JMJD1C: variants seen among roughly 807,000 people sequenced by gnomAD.
JMJD1C encodes jumonji domain-containing protein 1C.
Under a neutral mutation model 245.3 loss-of-function variants are expected in JMJD1C, and 31 were observed. The ratio of observed to expected loss-of-function variants is 0.13; its 90% CI spans 0.09 to 0.17. The LOEUF is 0.17. Ranked by LOEUF, JMJD1C falls within the 10% of genes least tolerant of loss-of-function variation. The pLI, the probability that JMJD1C is intolerant of heterozygous loss-of-function variation, is 1.00. For missense variants in JMJD1C, 2,691 were observed against 3,000.2 expected (o/e 0.90, Z 2.41); for synonymous variants, 1,057 against 1,017.4 (o/e 1.04, Z -0.74).
At chr10:63,296,691 T>A (rs966171189) in intron 2 of JMJD1C, among the ~76,000 whole-genome samples, 5 of 152,212 alleles carry the variant, frequency 3.3e-5, no homozygotes, top group Non-Finnish European at 7.3e-5. Flanking sequence ...AAGTGCCATT[T>A]TGGGTTACAA....
intron 1 of JMJD1C, among the ~76,000 whole-genome samples, chr10:63,386,315 T>G (rs142763111): frequency 6.6e-6 from 1 of 152,144 alleles, no homozygotes; most frequent in Non-Finnish European, 1.5e-5. Flanking sequence ...CAGTTACCAG[T>G]TGCCTGCCTA....
At chr10:63,205,723 T>C (rs975688889) in intron 10 of JMJD1C, among the ~76,000 whole-genome samples, 1 of 152,196 alleles carries the variant, frequency 6.6e-6, no homozygotes, top group Non-Finnish European at 1.5e-5. Flanking sequence ...CTGTAGATAA[T>C]TGTAACACAA....
At chr10:63,356,458 G>A (rs1564826801) in intron 2 of JMJD1C, among the ~76,000 whole-genome samples, 3 of 152,208 alleles carry the variant, frequency 2.0e-5, no homozygotes, top group African/African-American at 7.2e-5. Flanking sequence ...ACCTGAGAAA[G>A]CATTCTTTGA....
chr10:63,264,622 AT>A (rs1370410757), intron 3 of JMJD1C, 28 bp downstream of exon 3: 2 of 983,430 alleles, frequency 2.0e-6, no homozygotes, highest in Non-Finnish European at 3.1e-6. Flanking sequence ...TTAACCTTTA[AT>A]TTTAAAAAGT....
chr10:63,479,271 CTTTT>C (rs199545366), intron 1 of JMJD1C, among the ~76,000 whole-genome samples: 4 of 134,904 alleles, frequency 3.0e-5, no homozygotes, highest in African/African-American at 5.4e-5. Context: ...TATTTCTTCT[CTTTT>C]TTTTTTTTTT....
chr10:63,329,508 A>G (rs1941907993), intron 2 of JMJD1C, among the ~76,000 whole-genome samples: 1 of 151,980 alleles, frequency 6.6e-6, no homozygotes, highest in Non-Finnish European at 1.5e-5. Flanking sequence ...ATGAACTGAA[A>G]AAGTCAACTG....
intron 1 of JMJD1C, among the ~76,000 whole-genome samples, chr10:63,512,417 T>C (rs1369889535): frequency 6.6e-6 from 1 of 152,162 alleles, no homozygotes; most frequent in Non-Finnish European, 1.5e-5. Flanking sequence ...TCACTTTGAG[T>C]AAGTCTTTAT....
chr10:63,396,935 T>G (rs1035568185), intron 1 of JMJD1C, among the ~76,000 whole-genome samples: 24 of 150,704 alleles, frequency 1.6e-4, no homozygotes, highest in Non-Finnish European at 2.4e-4. Context: ...TTTGGTTTTT[T>G]TTTTTTTTTT....
chr10:63,174,933 T>G (rs569892161), intron 24 of JMJD1C, among the ~76,000 whole-genome samples: 1 of 152,304 alleles, frequency 6.6e-6, no homozygotes, highest in African/African-American at 2.4e-5. Context: ...GTTACCTAAC[T>G]ATGCATTTGT....
intron 16 of JMJD1C, 55 bp downstream of exon 16, chr10:63,192,883 T>G: frequency 1.6e-6 from 2 of 1,250,596 alleles, no homozygotes; most frequent in Non-Finnish European, 2.3e-6. Context: ...AGTACATTGT[T>G]GGTTAGTTAT....
chr10:63,170,649 C>A (rs1174406921), intron 24 of JMJD1C, among the ~76,000 whole-genome samples: 1 of 152,206 alleles, frequency 6.6e-6, no homozygotes, highest in Non-Finnish European at 1.5e-5. Flanking sequence ...AAAGTTCATT[C>A]TGTCAGTCTT....
Position 63,450,550 on chromosome 10 carries a change from C to T in JMJD1C, c.168+14945G>A, listed in dbSNP as rs192276993. ...CACACAAAAGTCAATAAATACAATA[C>T]ATTCACATAATGAAGGGAAAAAAAA... On this transcript the variant is annotated intron_variant, in intron 1 of 25. Coordinates refer to ENST00000399262, the MANE Select transcript of JMJD1C (RefSeq NM_032776.3). Among the ~76,000 whole-genome samples the T allele has an allele frequency of 2.4e-3, 367 of 152,084 alleles. 3 individuals carry two copies. Among genetic ancestry groups the T allele is most frequent in the South Asian group, 0.022 (105 of 4,826 alleles).
intron 1 of JMJD1C, among the ~76,000 whole-genome samples, chr10:63,453,798 GC>G (rs1415050256): frequency 2.6e-5 from 4 of 152,188 alleles, no homozygotes; most frequent in African/African-American, 9.6e-5. Flanking sequence ...AAGGACAGTA[GC>G]GCTACTTTGG....
At chr10:63,183,073 C>T (rs757212605) in intron 22 of JMJD1C, among the ~76,000 whole-genome samples, 7 of 152,248 alleles carry the variant, frequency 4.6e-5, no homozygotes, top group Non-Finnish European at 8.8e-5. Flanking sequence ...GTTGGTCAGG[C>T]TGGTCTTGAA....
intron 2 of JMJD1C, among the ~76,000 whole-genome samples, chr10:63,355,618 T>G (rs563356064): frequency 6.6e-6 from 1 of 151,998 alleles, no homozygotes; most frequent in South Asian, 2.1e-4. Context: ...AGTAAAAAGC[T>G]GAGGAGTTGG....
In JMJD1C at chr10:63,208,028, T is replaced by C. The variant is rs775829102; in HGVS notation, c.3641A>G (p.His1214Arg). ...HRAPVFHPPI[H>R]HSLERKEGSY... ...GCCTTCCTTTCTTTCCAGGCTGTGA[T>C]GGATTGGTGGGTGAAATACTGGTGC... Residue 1214 changes from histidine to arginine, a missense_variant, in exon 10 of 26, where the codon CAT becomes CGT. His to Arg is a conservative substitution (Grantham distance 29). This residue lies in a region of JMJD1C where 1,562 missense variants were observed against 1,490.7 expected (regional missense o/e 1.05). Coordinates refer to ENST00000399262, the MANE Select transcript of JMJD1C (RefSeq NM_032776.3). 5.0e-6 allele frequency: 8 copies of C among 1,614,070 alleles called. No individual in the cohort carries two copies. Among genetic ancestry groups the C allele is most frequent in the East Asian group, 2.2e-5 (1 of 44,896 alleles).
intron 24 of JMJD1C, among the ~76,000 whole-genome samples, chr10:63,171,787 T>C (rs904122235): frequency 6.6e-6 from 1 of 152,104 alleles, no homozygotes; most frequent in Non-Finnish European, 1.5e-5. Flanking sequence ...AGAATACTGA[T>C]TTAGAGTCTG....
At chr10:63,412,164 A>T (rs971981815) in intron 1 of JMJD1C, among the ~76,000 whole-genome samples, 4 of 152,148 alleles carry the variant, frequency 2.6e-5, no homozygotes, top group Non-Finnish European at 1.5e-5. Flanking sequence ...AGCTGAATGT[A>T]ATTTTTGACT....
chr10:63,388,850 C>T (rs1947827085), intron 1 of JMJD1C, among the ~76,000 whole-genome samples: 1 of 152,008 alleles, frequency 6.6e-6, no homozygotes, highest in Non-Finnish European at 1.5e-5. Flanking sequence ...AAAGACATTC[C>T]ATGCAAATAG....
Sources: allele counts gnomAD v4.1 joint callset (sites outside exome capture counted in the v4.1 genomes callset), GRCh38; gene constraint gnomAD v4.1.1; regional missense constraint gnomAD v4.1.1; transcripts MANE v1.5; gene names NCBI Gene and HGNC (gene_info 2026-07-23, HGNC 2026-07-21).